MYO9A: variants seen among roughly 807,000 people sequenced by gnomAD.
MYO9A encodes the protein myosin IXA, also known as unconventional myosin-IXa.
A neutral mutation model predicts 293.3 loss-of-function variants in MYO9A; 103 were observed. That is an observed-to-expected ratio of 0.35 (90% CI 0.30 to 0.41). The LOEUF (loss-of-function observed/expected upper bound fraction) is 0.41. Ranked by LOEUF, MYO9A falls within the 10% of genes least tolerant of loss-of-function variation. MYO9A has a pLI of 1.00. For missense variants in MYO9A, 2,685 were observed against 3,033.0 expected (o/e 0.89, Z 2.69); for synonymous variants, 1,001 against 1,035.7 (o/e 0.97, Z 0.64).
rs962461559 is a variant in MYO9A at position 71,888,227 on chromosome 15, T to C, written c.5143-111A>G. 29 of 553,496 alleles carry C rather than the reference T, an allele frequency of 5.2e-5. 1 individual carries two copies. Among genetic ancestry groups the C allele is most frequent in the Admixed American group, 2.1e-4 (6 of 28,656 alleles). 34.3% of individuals were successfully genotyped at this position (553,496 alleles called of 1,614,324 possible). A position where few individuals can be genotyped will look rare whatever the true frequency, so the allele number is the denominator to read the frequency against. Reference sequence around the variant, plus strand: ...GAGCTATTTAAAAACACACAAAACATTGATATTATTCAGAGATTCATTGAA... The same window carrying C: ...GAGCTATTTAAAAACACACAAAACACTGATATTATTCAGAGATTCATTGAA... On this transcript the variant is annotated intron_variant, in intron 26 of 41. Coordinates refer to ENST00000356056, the MANE Select transcript of MYO9A (RefSeq NM_006901.4).
At chr15:72,029,771 C>T (rs1434141257) in intron 3 of MYO9A, among the ~76,000 whole-genome samples, 5 of 152,178 alleles carry the variant, frequency 3.3e-5, no homozygotes, top group Non-Finnish European at 7.4e-5. Context: ...AAACTTCTTA[C>T]CCAAATGGGT....
chr15:71,851,396 C>A (rs1466491186), intron 36 of MYO9A, 38 bp from the exon 37 acceptor site: 1 of 1,489,710 alleles, frequency 6.7e-7, no homozygotes, highest in South Asian at 1.2e-5. Context: ...ACTAAATATC[C>A]CCCCTTATAC....
intron 1 of MYO9A, among the ~76,000 whole-genome samples, chr15:72,050,642 AC>A (rs1352837963): frequency 1.1e-4 from 17 of 151,234 alleles, no homozygotes; most frequent in South Asian, 6.3e-4. Flanking sequence ...AAACAAACAA[AC>A]AAAATTTTTT....
At chr15:71,969,596 T>A (rs1481417076) in intron 12 of MYO9A, among the ~76,000 whole-genome samples, 2 of 152,226 alleles carry the variant, frequency 1.3e-5, no homozygotes, top group East Asian at 3.8e-4. Flanking sequence ...TAAGGCAGGA[T>A]GCTCACTTCG....
intron 1 of MYO9A, among the ~76,000 whole-genome samples, chr15:72,106,468 C>T (rs1055785292): frequency 6.6e-6 from 1 of 152,200 alleles, no homozygotes; most frequent in South Asian, 2.1e-4. Context: ...CTTGCTCTAT[C>T]ACTCCAGCCT....
rs573287893 is a variant in MYO9A, at chr15:71,963,508, G to T, written c.1987-3412C>A. 1.2e-4 allele frequency among the ~76,000 whole-genome samples: 18 copies of T among 152,232 alleles called. No homozygotes were observed. In the East Asian group the frequency reaches 2.5e-3, roughly 21 times the overall value. ...TTGTTGCTCAGGCTGGAGTGCAATGGCTTGATCTTGGCTCACCGCAACCTC... is the reference window on the plus strand; with the variant it reads ...TTGTTGCTCAGGCTGGAGTGCAATGTCTTGATCTTGGCTCACCGCAACCTC... On this transcript the variant is annotated intron_variant, in intron 13 of 41. Coordinates refer to ENST00000356056, the MANE Select transcript of MYO9A (RefSeq NM_006901.4).
chr15:71,859,650 T>C (rs945276429), intron 34 of MYO9A, 85 bp downstream of exon 34: 8 of 1,109,552 alleles, frequency 7.2e-6, no homozygotes, highest in Non-Finnish European at 1.1e-5. Context: ...TCTGTAAAAC[T>C]ATCAAAAAGG....
At chr15:71,948,793 G>T (rs913876088) in intron 15 of MYO9A, among the ~76,000 whole-genome samples, 5 of 152,072 alleles carry the variant, frequency 3.3e-5, no homozygotes, top group Admixed American at 2.6e-4. Context: ...ATTTTTGAAG[G>T]ATACTTTTGC....
intron 1 of MYO9A, among the ~76,000 whole-genome samples, chr15:72,059,716 G>C (rs1246715956): frequency 6.6e-6 from 1 of 152,120 alleles, no homozygotes; most frequent in Non-Finnish European, 1.5e-5. Flanking sequence ...CCTCTCACTT[G>C]AACCCAAACC....
At chr15:71,967,548 T>A (rs538757132) in intron 13 of MYO9A, among the ~76,000 whole-genome samples, 1 of 152,032 alleles carries the variant, frequency 6.6e-6, no homozygotes, top group African/African-American at 2.4e-5. Flanking sequence ...ACACAAGAAA[T>A]GGACAACATT....
intron 39 of MYO9A, among the ~76,000 whole-genome samples, chr15:71,842,482 T>C (rs1318530420): frequency 6.6e-6 from 1 of 152,152 alleles, no homozygotes; most frequent in Non-Finnish European, 1.5e-5. Context: ...AACTTGCCCA[T>C]ATCACAACTA....
chr15:71,911,131 T>G (rs986073459), intron 19 of MYO9A, among the ~76,000 whole-genome samples: 1 of 152,190 alleles, frequency 6.6e-6, no homozygotes, highest in African/African-American at 2.4e-5. Context: ...CCTGCTGCTA[T>G]AAACTATCTT....
intron 15 of MYO9A, chr15:71,950,511 AAGAC>A (rs1457918330): frequency 6.6e-6 from 1 of 152,264 alleles, no homozygotes; most frequent in East Asian, 1.9e-4. Flanking sequence ...CATGGATTAA[AAGAC>A]AGAATAGGAA....
intron 1 of MYO9A, among the ~76,000 whole-genome samples, chr15:72,063,820 G>A (rs896384118): frequency 3.9e-5 from 6 of 152,084 alleles, no homozygotes; most frequent in Non-Finnish European, 5.9e-5. Context: ...CCAAAAGAAC[G>A]GAAATCAGTA....
Position 71,917,764 on chromosome 15 carries a change from T to C in MYO9A, c.2563-1272A>G, listed in dbSNP as rs868249564. ...AATATATCTATACAGATGTAAACTA[T>C]ATGTTATTTAAAAAGTAATCAAAAA... On this transcript the variant is annotated intron_variant, in intron 18 of 41. Coordinates refer to ENST00000356056, the MANE Select transcript of MYO9A (RefSeq NM_006901.4). Among the ~76,000 whole-genome samples the C allele has an allele frequency of 2.2e-4, 33 of 152,276 alleles. No homozygotes were observed. The Middle Eastern group carries it at 0.017, about 78-fold the overall frequency.
intron 15 of MYO9A, among the ~76,000 whole-genome samples, chr15:71,941,701 T>C (rs2146165950): frequency 6.6e-6 from 1 of 152,184 alleles, no homozygotes; most frequent in South Asian, 2.1e-4. Context: ...ATATAAATCA[T>C]ATTTAGGGAC....
chr15:72,065,286 C>G (rs2078985934), intron 1 of MYO9A, among the ~76,000 whole-genome samples: 1 of 152,044 alleles, frequency 6.6e-6, no homozygotes, highest in South Asian at 2.1e-4. Context: ...GAGGCCGAGG[C>G]AGGCAGAACA....
chr15:71,996,176 A>T (rs765822525), intron 9 of MYO9A, among the ~76,000 whole-genome samples: 1 of 152,342 alleles, frequency 6.6e-6, no homozygotes, highest in East Asian at 1.9e-4. Flanking sequence ...AAATGAAGAT[A>T]ATCTAATAAA....
chr15:71,998,831 C>T (rs968267183), intron 9 of MYO9A, among the ~76,000 whole-genome samples: 3 of 151,860 alleles, frequency 2.0e-5, no homozygotes, highest in African/African-American at 4.8e-5. Context: ...GTGCGGTGTT[C>T]GGTTTTTTGT....
Sources: gnomAD v4.1 joint callset for allele counts (sites outside exome capture counted in the v4.1 genomes callset) on GRCh38, gnomAD v4.1.1 for gene constraint, MANE v1.5 for transcripts, NCBI Gene and HGNC (gene_info 2026-07-23, HGNC 2026-07-21) for gene names.